AGBL1: variants seen among roughly 807,000 people sequenced by gnomAD.
AGBL1 encodes the protein AGBL carboxypeptidase 1.
AGBL1 carries 130 observed loss-of-function variants against 118.9 expected under a neutral mutation model. The observed-to-expected ratio is 1.09, with a 90% CI of 0.95 to 1.26. The LOEUF (loss-of-function observed/expected upper bound fraction) is 1.26, where lower values mean the gene tolerates loss of function less well. AGBL1 is among the 50% of genes most tolerant of loss of function. The pLI is 0.00. For missense variants in AGBL1, 1,584 were observed against 1,298.1 expected, an observed-to-expected ratio of 1.22 and a Z score of -3.38; for synonymous variants, 555 against 478.9, an observed-to-expected ratio of 1.16 and a Z score of -2.08.
chr15:86,564,182 A>G (rs939644358), intron 21 of AGBL1, among the ~76,000 whole-genome samples: 2 of 152,088 alleles, frequency 1.3e-5, no homozygotes, highest in African/African-American at 2.4e-5. Context: ...TATAATGTTA[A>G]CTGGTTATTT....
chr15:86,138,572 A>G (rs1267010192), intron 1 of AGBL1, among the ~76,000 whole-genome samples: 1 of 152,222 alleles, frequency 6.6e-6, no homozygotes, highest in Non-Finnish European at 1.5e-5. Context: ...TTCCCAGTGA[A>G]TGTTTGCGAG....
intron 14 of AGBL1, among the ~76,000 whole-genome samples, chr15:86,271,081 C>T (rs925438702): frequency 1.4e-4 from 17 of 118,986 alleles, no homozygotes; most frequent in African/African-American, 5.1e-4. Flanking sequence ...GACAGAGTCT[C>T]GCTCTGTCAC....
intron 22 of AGBL1, among the ~76,000 whole-genome samples, chr15:86,889,010 C>G (rs542659337): frequency 3.9e-5 from 6 of 152,098 alleles, no homozygotes; most frequent in Non-Finnish European, 8.8e-5. Context: ...AAGGAGACAT[C>G]TATAAATTTA....
chr15:86,389,931 TATATC>T (rs973033992), intron 17 of AGBL1, among the ~76,000 whole-genome samples: 5 of 152,148 alleles, frequency 3.3e-5, no homozygotes, highest in Non-Finnish European at 5.9e-5. Flanking sequence ...AATCATTAAT[TATATC>T]AAATGGAAAT....
intron 1 of AGBL1, among the ~76,000 whole-genome samples, chr15:86,100,706 T>C (rs1160810567): frequency 2.6e-5 from 4 of 152,092 alleles, no homozygotes; most frequent in Non-Finnish European, 4.4e-5. Context: ...TCAGTTGTAA[T>C]AGCTTTTTTG....
At chr15:86,746,138 A>G (rs571993499) in intron 22 of AGBL1, among the ~76,000 whole-genome samples, 48 of 152,138 alleles carry the variant, frequency 3.2e-4, no homozygotes, top group African/African-American at 1.2e-3. Context: ...ACCACACTGT[A>G]GCCCAAGAGA....
intron 22 of AGBL1, among the ~76,000 whole-genome samples, chr15:86,736,035 G>A (rs114152320): frequency 6.6e-6 from 1 of 152,098 alleles, no homozygotes; most frequent in Non-Finnish European, 1.5e-5. Context: ...CTGCAGCAAG[G>A]TCTATGACCT....
intron 23 of AGBL1, among the ~76,000 whole-genome samples, chr15:86,944,677 C>A (rs892313): frequency 1.2e-4 from 19 of 152,228 alleles, no homozygotes; most frequent in African/African-American, 3.8e-4. Flanking sequence ...ATTTTTAATG[C>A]CTTCATTCAT....
chr15:86,674,739 A>C (rs1178769971), intron 22 of AGBL1, among the ~76,000 whole-genome samples: 1 of 152,204 alleles, frequency 6.6e-6, no homozygotes, highest in Non-Finnish European at 1.5e-5. Flanking sequence ...TATATTTACC[A>C]GTTATGTGTT....
rs1187261233 is a variant in AGBL1, at chr15:86,722,398, C to A, written c.3158+47962C>A. On this transcript the variant is annotated intron_variant, in intron 22 of 22. Transcript: ENST00000614907. ...CTTTGACAAATCTGAGAAAAACAAGCAATGGGGAAAGGATTCCCTGTTTAA... is the reference window on the plus strand; with the variant it reads ...CTTTGACAAATCTGAGAAAAACAAGAAATGGGGAAAGGATTCCCTGTTTAA... 5.1e-4 allele frequency among the ~76,000 whole-genome samples: 77 copies of A among 152,120 alleles called. 1 individual carries two copies. The highest frequency in any genetic ancestry group is 9.4e-4 in the Non-Finnish European group (64 of 67,922).
intron 24 of AGBL1, among the ~76,000 whole-genome samples, chr15:87,007,313 AATG>A (rs2081515033): frequency 6.6e-6 from 1 of 152,180 alleles, no homozygotes; most frequent in Non-Finnish European, 1.5e-5. Flanking sequence ...GGACTCTTAA[AATG>A]ATCCATATTA....
chr15:86,700,512 A>ACACAC (rs760114526), intron 22 of AGBL1, among the ~76,000 whole-genome samples: 9 of 39,466 alleles, frequency 2.3e-4, no homozygotes, highest in East Asian at 2.3e-3. Flanking sequence ...CACACACACA[A>ACACAC]AATCTCTCTT....
At position 86,613,139 on chromosome 15, in the gene AGBL1, C is replaced by A. The variant is rs1211897929; in HGVS notation, c.2994+58602C>A. On this transcript the variant is annotated intron_variant, in intron 21 of 22. Transcript: ENST00000614907. The surrounding 1 kb of genome is among the most constrained non-coding windows in gnomAD (Gnocchi z 4.2). ...CTGTGTTACAGGCCATGGTTCTTAA[C>A]CGTGGCAAAATAAATCTCTAAATTG... is the stretch of plus-strand genomic sequence containing the variant. Among the ~76,000 whole-genome samples the A allele has an allele frequency of 6.6e-6, 1 of 152,132 alleles. No homozygotes were observed. The highest frequency in any genetic ancestry group is 2.4e-5 in the African/African-American group (1 of 41,446).
At chr15:86,884,291 G>C (rs552929925) in intron 22 of AGBL1, among the ~76,000 whole-genome samples, 1 of 152,302 alleles carries the variant, frequency 6.6e-6, no homozygotes, top group African/African-American at 2.4e-5. Context: ...CACAGGGTGG[G>C]TTCCCTGGAC....
chr15:86,983,655 G>A (rs1043115645), intron 23 of AGBL1, among the ~76,000 whole-genome samples: 2 of 152,178 alleles, frequency 1.3e-5, no homozygotes, highest in Non-Finnish European at 2.9e-5. Flanking sequence ...ACACAGACTT[G>A]TTACCTCCAA....
At chr15:86,749,663 T>C (rs1170110384) in intron 22 of AGBL1, among the ~76,000 whole-genome samples, 2 of 152,232 alleles carry the variant, frequency 1.3e-5, no homozygotes, top group East Asian at 3.9e-4. Flanking sequence ...TAAATAGCTC[T>C]TATTATTTTG....
At chr15:86,684,038 G>A (rs2086010474) in intron 22 of AGBL1, among the ~76,000 whole-genome samples, 1 of 152,134 alleles carries the variant, frequency 6.6e-6, no homozygotes, top group Admixed American at 6.6e-5. Flanking sequence ...TCTACCAGAT[G>A]TGCTAGAGGA....
At chr15:86,414,130 A>G (rs1024263490) in intron 18 of AGBL1, among the ~76,000 whole-genome samples, 4 of 152,214 alleles carry the variant, frequency 2.6e-5, no homozygotes, top group Non-Finnish European at 5.9e-5. Context: ...TAATGTATAC[A>G]CATGAACATA....
At chr15:86,561,916 AT>A (rs2083827848) in intron 21 of AGBL1, among the ~76,000 whole-genome samples, 1 of 152,146 alleles carries the variant, frequency 6.6e-6, no homozygotes, top group African/African-American at 2.4e-5. Flanking sequence ...CTTTGAAGCA[AT>A]TGTGAATGGG....
Sources: gnomAD v4.1 joint callset for allele counts (sites outside exome capture counted in the v4.1 genomes callset) on GRCh38, gnomAD v4.1.1 for gene constraint, Gnocchi (gnomAD v3.1) non-coding constraint, MANE v1.5 for transcripts, NCBI Gene and HGNC (gene_info 2026-07-23, HGNC 2026-07-21) for gene names.